The following WWOX variants were observed in gnomAD, a reference collection of about 807,000 sequenced individuals.
WWOX encodes WW domain containing oxidoreductase, also known as WW domain-containing oxidoreductase.
Under a neutral mutation model 46.2 loss-of-function variants are expected in WWOX, and 69 were observed. The ratio of observed to expected loss-of-function variants is 1.49; its 90% CI spans 1.23 to 1.82. The LOEUF (loss-of-function observed/expected upper bound fraction) is 1.82, where lower values mean the gene tolerates loss of function less well. Ranked by LOEUF, WWOX falls within the 40% of genes most tolerant of loss-of-function variation. The pLI is 0.00. For missense variants in WWOX, 919 were observed against 542.6 expected (o/e 1.69, Z -6.89); for synonymous variants, 359 against 202.6 (o/e 1.77, Z -6.56).
chr16:78,478,063 AG>A (rs2084394457), intron 8 of WWOX, among the ~76,000 whole-genome samples: 2 of 152,230 alleles, frequency 1.3e-5, no homozygotes, highest in Admixed American at 1.3e-4. Flanking sequence ...GTAATCAATA[AG>A]AACACAAAAT....
At chr16:79,023,113 G>C (rs1407808976) in intron 8 of WWOX, among the ~76,000 whole-genome samples, 1 of 152,096 alleles carries the variant, frequency 6.6e-6, no homozygotes, top group Non-Finnish European at 1.5e-5. Context: ...GTCTGTATTT[G>C]GTTTAAGGAG....
intron 8 of WWOX, among the ~76,000 whole-genome samples, chr16:78,459,694 A>C (rs2083905698): frequency 6.6e-6 from 1 of 152,226 alleles, no homozygotes; most frequent in South Asian, 2.1e-4. Flanking sequence ...CTTCTGGTTT[A>C]AATGCAGTTA....
At chr16:78,680,725 C>T (rs760092802) in intron 8 of WWOX, among the ~76,000 whole-genome samples, 18 of 152,134 alleles carry the variant, frequency 1.2e-4, no homozygotes, top group Non-Finnish European at 2.2e-4. Context: ...ACAGAAAGAA[C>T]GTTTCCGTGA....
chr16:78,870,486 A>G (rs1009094084), intron 8 of WWOX, among the ~76,000 whole-genome samples: 23 of 151,460 alleles, frequency 1.5e-4, no homozygotes, highest in African/African-American at 5.6e-4. Flanking sequence ...TTCAGAGCTC[A>G]TTTTTTCTGT....
intron 8 of WWOX, among the ~76,000 whole-genome samples, chr16:78,452,828 C>T (rs183374310): frequency 9.6e-5 from 14 of 146,410 alleles, no homozygotes; most frequent in African/African-American, 2.2e-4. Flanking sequence ...TTCTACATTC[C>T]GTTTCCCCTA....
At chr16:79,080,898 A>T (rs1217942799) in intron 8 of WWOX, among the ~76,000 whole-genome samples, 1 of 152,182 alleles carries the variant, frequency 6.6e-6, no homozygotes, top group Non-Finnish European at 1.5e-5. Flanking sequence ...CAGATGCATC[A>T]CCCAGTCTCT....
intron 8 of WWOX, among the ~76,000 whole-genome samples, chr16:78,665,184 C>T (rs772659974): frequency 4.6e-5 from 7 of 152,082 alleles, no homozygotes; most frequent in Non-Finnish European, 7.4e-5. Flanking sequence ...GCTGTGATGA[C>T]GGGCAACAGA....
intron 8 of WWOX, among the ~76,000 whole-genome samples, chr16:78,691,055 C>T (rs971104825): frequency 1.3e-5 from 2 of 152,188 alleles, no homozygotes; most frequent in African/African-American, 2.4e-5. Context: ...CTAATGAGTT[C>T]TGACTTCATA....
chr16:78,767,143 C>G (rs1395795949), intron 8 of WWOX, among the ~76,000 whole-genome samples: 2 of 139,864 alleles, frequency 1.4e-5, no homozygotes, highest in Admixed American at 1.5e-4. Flanking sequence ...CCATTTTTGA[C>G]AGGGTCTCAC....
intron 8 of WWOX, chr16:79,205,032 C>G (rs890745594): frequency 2.6e-5 from 4 of 152,152 alleles, no homozygotes; most frequent in African/African-American, 7.2e-5. Flanking sequence ...TAGCCAGACT[C>G]GGATTTGGGG....
At chr16:78,445,999 A>C (rs1157347101) in intron 8 of WWOX, among the ~76,000 whole-genome samples, 1 of 152,218 alleles carries the variant, frequency 6.6e-6, no homozygotes, top group Non-Finnish European at 1.5e-5. Context: ...GAAATAGTCA[A>C]ATGCGTAGCT....
Position 78,164,297 on chromosome 16 carries a change from C to G in WWOX, c.516+8C>G. On this transcript the variant is annotated splice_region_variant and intron_variant, in intron 5 of 8. Coordinates refer to ENST00000566780, the MANE Select transcript of WWOX (RefSeq NM_016373.4). Reference sequence around the variant, plus strand: ...CGCATTTTAGAAGAATGGGTAAGTGCTTGACTGTTGTTGTTTTTTTTAATT... The same window carrying G: ...CGCATTTTAGAAGAATGGGTAAGTGGTTGACTGTTGTTGTTTTTTTTAATT... 2 of 1,612,556 alleles carry G rather than the reference C, an allele frequency of 1.2e-6. No homozygotes were observed. Among genetic ancestry groups the G allele is most frequent in the Non-Finnish European group, 1.7e-6 (2 of 1,179,038 alleles).
intron 8 of WWOX, among the ~76,000 whole-genome samples, chr16:78,932,382 C>G (rs2045642293): frequency 6.6e-6 from 1 of 152,138 alleles, no homozygotes; most frequent in Non-Finnish European, 1.5e-5. Flanking sequence ...TGGTGTTTTT[C>G]TTTGTATAGA....
At chr16:78,743,235 T>A (rs968198011) in intron 8 of WWOX, among the ~76,000 whole-genome samples, 14 of 152,154 alleles carry the variant, frequency 9.2e-5, no homozygotes, top group African/African-American at 3.4e-4. Context: ...CCATCTTATC[T>A]CTCTGAGTGC....
At chr16:78,755,552 C>G (rs1439380070) in intron 8 of WWOX, among the ~76,000 whole-genome samples, 1 of 152,118 alleles carries the variant, frequency 6.6e-6, no homozygotes. Context: ...TCAAATAATT[C>G]TACATTATTT....
chr16:78,498,214 A>AAG (rs2084966631), intron 8 of WWOX, among the ~76,000 whole-genome samples: 2 of 128,192 alleles, frequency 1.6e-5, no homozygotes, highest in South Asian at 2.4e-4. Flanking sequence ...CAAAAAAAAA[A>AAG]AAAAGAAAAA....
chr16:79,046,542 A>G (rs1308920274), intron 8 of WWOX, among the ~76,000 whole-genome samples: 4 of 152,176 alleles, frequency 2.6e-5, no homozygotes, highest in Admixed American at 2.0e-4. Flanking sequence ...CTTCTTGTGC[A>G]TCTTCACATG....
chr16:79,150,912 A>G (rs1365067383), intron 8 of WWOX, among the ~76,000 whole-genome samples: 1 of 152,152 alleles, frequency 6.6e-6, no homozygotes, highest in Non-Finnish European at 1.5e-5. Flanking sequence ...GCAGGCCATC[A>G]TTCTGCTGTC....
intron 8 of WWOX, among the ~76,000 whole-genome samples, chr16:78,755,482 G>A (rs2049620784): frequency 6.6e-6 from 1 of 152,112 alleles, no homozygotes; most frequent in African/African-American, 2.4e-5. Flanking sequence ...TGATGAGGGA[G>A]GAACAAAGAT....
Sources: gnomAD v4.1 joint callset for allele counts (sites outside exome capture counted in the v4.1 genomes callset) on GRCh38, gnomAD v4.1.1 for gene constraint, MANE v1.5 for transcripts, NCBI Gene and HGNC (gene_info 2026-07-23, HGNC 2026-07-21) for gene names.